LGMN: variants seen among roughly 807,000 people sequenced by gnomAD.
LGMN encodes asparaginyl endopeptidase.
Under a neutral mutation model 56.8 loss-of-function variants are expected in LGMN, and 36 were observed. The ratio of observed to expected loss-of-function variants is 0.63; its 90% CI spans 0.49 to 0.84. The LOEUF is 0.84. LGMN is among the 40% of genes least tolerant of loss of function. The pLI, the probability that LGMN is intolerant of heterozygous loss-of-function variation, is 0.00. For synonymous variants in LGMN, 199 were observed against 210.1 expected, an observed-to-expected ratio of 0.95 and a Z score of 0.46; for missense variants, 446 against 556.1, an observed-to-expected ratio of 0.80 and a Z score of 1.99.
intron 1 of LGMN, chr14:92,741,004 T>C (rs571280685): frequency 2.0e-5 from 3 of 152,228 alleles, no homozygotes; most frequent in Admixed American, 1.3e-4. Flanking sequence ...CTGGCCAACA[T>C]GGTGAAACCC....
At chr14:92,722,852 C>T (rs79869721) in intron 2 of LGMN, among the ~76,000 whole-genome samples, 336 of 152,262 alleles carry the variant, frequency 2.2e-3, no homozygotes, top group African/African-American at 7.6e-3. Flanking sequence ...TGTTCAACAT[C>T]ACCCATCATT....
intron 11 of LGMN, among the ~76,000 whole-genome samples, chr14:92,708,327 A>G (rs926067384): frequency 6.6e-6 from 1 of 151,980 alleles, no homozygotes; most frequent in Admixed American, 6.6e-5. Context: ...GGCCGGGTGC[A>G]GTGGCCCACT....
intron 3 of LGMN, among the ~76,000 whole-genome samples, chr14:92,717,877 C>T (rs1257955803): frequency 6.6e-6 from 1 of 152,162 alleles, no homozygotes; most frequent in Admixed American, 6.5e-5. Flanking sequence ...GATGTATGAG[C>T]TGAGAATGTG....
intron 2 of LGMN, among the ~76,000 whole-genome samples, chr14:92,723,882 C>A (rs1005993429): frequency 6.6e-6 from 1 of 152,152 alleles, no homozygotes; most frequent in African/African-American, 2.4e-5. Context: ...CAGGCATGTG[C>A]CACCACGCCC....
intron 2 of LGMN, among the ~76,000 whole-genome samples, chr14:92,726,129 C>G (rs527809031): frequency 6.6e-6 from 1 of 150,684 alleles, no homozygotes; most frequent in Non-Finnish European, 1.5e-5. Context: ...CCCAGCTATT[C>G]GGGAGGCTGA....
intron 12 of LGMN, chr14:92,706,242 G>A (rs1345968663): frequency 1.2e-5 from 5 of 401,728 alleles, no homozygotes; most frequent in Non-Finnish European, 2.2e-5. Context: ...CTTCAAACTA[G>A]AAGTGAGAGC....
At chr14:92,708,856 CAAAA>C (rs58813848) in intron 11 of LGMN, among the ~76,000 whole-genome samples, 1,920 of 71,612 alleles carry the variant, frequency 0.027, 47 homozygotes, top group African/African-American at 0.086. Flanking sequence ...ACTCTTGTCT[CAAAA>C]AAAAAAAAAA....
chr14:92,717,075 A>G (rs1890108985), intron 4 of LGMN, among the ~76,000 whole-genome samples: 1 of 152,222 alleles, frequency 6.6e-6, no homozygotes, highest in Non-Finnish European at 1.5e-5. Flanking sequence ...CAGGTAATCT[A>G]TGATCAGATT....
rs77291096 is a variant in LGMN at position 92,704,631 on chromosome 14, A to C, written c.1259+9T>G. 6.2e-7 allele frequency: 1 copy of C among 1,607,338 alleles called. No homozygotes were observed. The highest frequency in any genetic ancestry group is 1.7e-5 in the Admixed American group (1 of 59,966). On this transcript the variant is annotated intron_variant, in intron 13 of 13. Coordinates refer to ENST00000334869, the MANE Select transcript of LGMN (RefSeq NM_005606.7). Reference sequence around the variant, plus strand: ...TCGACCTTTCAAGCGTCACCGCTGCATTAGTTACCTGTGAAGCGGATACGG... The same window carrying C: ...TCGACCTTTCAAGCGTCACCGCTGCCTTAGTTACCTGTGAAGCGGATACGG...
At chr14:92,723,154 C>T (rs1338179289) in intron 2 of LGMN, among the ~76,000 whole-genome samples, 1 of 151,966 alleles carries the variant, frequency 6.6e-6, no homozygotes, top group Non-Finnish European at 1.5e-5. Context: ...GCAAGCGATG[C>T]TACTGCCTCA....
chr14:92,743,617 C>T (rs185532406), intron 1 of LGMN, among the ~76,000 whole-genome samples: 1 of 151,544 alleles, frequency 6.6e-6, no homozygotes, highest in Non-Finnish European at 1.5e-5. Flanking sequence ...GCCTGGCCAA[C>T]ATGCGAAACC....
intron 2 of LGMN, among the ~76,000 whole-genome samples, chr14:92,723,533 A>G (rs1054246766): frequency 2.0e-5 from 3 of 152,214 alleles, no homozygotes; most frequent in African/African-American, 7.2e-5. Context: ...CTATTTGGGA[A>G]TAAACAGGAG....
At chr14:92,748,221 A>G (rs1595573011) in intron 1 of LGMN, among the ~76,000 whole-genome samples, 1 of 152,044 alleles carries the variant, frequency 6.6e-6, no homozygotes, top group East Asian at 1.9e-4. Flanking sequence ...CCCCCTCCAG[A>G]GCACTGAGCC....
intron 12 of LGMN, 161 bp downstream of exon 12, chr14:92,706,322 A>G: frequency 1.8e-6 from 1 of 546,576 alleles, no homozygotes; most frequent in Non-Finnish European, 3.0e-6. Context: ...CCAAGATTTA[A>G]AATTAGTGAA....
chr14:92,713,922 G>A (rs1566919631), intron 6 of LGMN, 37 bp from the exon 7 acceptor site: 1 of 1,504,670 alleles, frequency 6.6e-7, no homozygotes, highest in Non-Finnish European at 9.3e-7. Context: ...AACACATCAA[G>A]AGAAACTATT....
intron 2 of LGMN, among the ~76,000 whole-genome samples, chr14:92,729,133 T>C (rs573659216): frequency 1.3e-3 from 186 of 145,572 alleles, no homozygotes; most frequent in African/African-American, 4.6e-3. Context: ...TTTTCTTTTT[T>C]TTTTTTTTTT....
chr14:92,742,076 T>C (rs943877059), intron 1 of LGMN, among the ~76,000 whole-genome samples: 1 of 152,022 alleles, frequency 6.6e-6, no homozygotes, highest in Admixed American at 6.6e-5. Context: ...CTCTTAGTAA[T>C]ATTCTATTGA....
chr14:92,725,252 C>A (rs1312845706), intron 2 of LGMN, among the ~76,000 whole-genome samples: 2 of 152,182 alleles, frequency 1.3e-5, no homozygotes, highest in Non-Finnish European at 2.9e-5. Context: ...CCCACCATGC[C>A]CTCTTTAAAA....
intron 2 of LGMN, among the ~76,000 whole-genome samples, chr14:92,720,598 C>T (rs1411563323): frequency 1.3e-5 from 2 of 152,190 alleles, no homozygotes; most frequent in Non-Finnish European, 2.9e-5. Flanking sequence ...ATGCGGGAGG[C>T]GGCGGTTGCA....
Sources: allele counts gnomAD v4.1 joint callset (sites outside exome capture counted in the v4.1 genomes callset), GRCh38; gene constraint gnomAD v4.1.1; transcripts MANE v1.5; gene names NCBI Gene and HGNC (gene_info 2026-07-23, HGNC 2026-07-21).